SEMA3A: variants seen among roughly 807,000 people sequenced by gnomAD.
SEMA3A encodes the protein semaphorin-3A.
A neutral mutation model predicts 97.9 loss-of-function variants in SEMA3A; 29 were observed. The observed-to-expected ratio is 0.30, with a 90% CI of 0.22 to 0.40. The LOEUF (loss-of-function observed/expected upper bound fraction) is 0.40. Among genes scored for constraint, SEMA3A ranks in the 10% least tolerant of loss-of-function variants. The pLI is 1.00. For synonymous variants in SEMA3A, 321 were observed against 323.7 expected (o/e 0.99, Z 0.09); for missense variants, 763 against 951.3 (o/e 0.80, Z 2.60).
intron 1 of SEMA3A, among the ~76,000 whole-genome samples, chr7:84,488,323 C>A (rs984996035): frequency 6.6e-6 from 1 of 150,826 alleles, no homozygotes; most frequent in Non-Finnish European, 1.5e-5. Context: ...TATATACACA[C>A]ACACACACAC....
chr7:83,986,343 T>C (rs1281488621), intron 12 of SEMA3A, among the ~76,000 whole-genome samples: 3 of 152,208 alleles, frequency 2.0e-5, no homozygotes, highest in Non-Finnish European at 4.4e-5. Flanking sequence ...CTTTAATGTC[T>C]ATTAACAGGT....
At chr7:84,278,738 A>C (rs933416706) in intron 3 of SEMA3A, among the ~76,000 whole-genome samples, 1 of 152,066 alleles carries the variant, frequency 6.6e-6, no homozygotes, top group African/African-American at 2.4e-5. Flanking sequence ...AGATCTTATG[A>C]AAAACTTGCT....
At chr7:84,211,260 A>G (rs1414165967) in intron 3 of SEMA3A, among the ~76,000 whole-genome samples, 1 of 152,176 alleles carries the variant, frequency 6.6e-6, no homozygotes, top group Non-Finnish European at 1.5e-5. Context: ...AAAGGAGGCA[A>G]ATATGCTAGC....
intron 1 of SEMA3A, among the ~76,000 whole-genome samples, chr7:84,477,273 C>T (rs1806314868): frequency 6.7e-6 from 1 of 149,862 alleles, no homozygotes; most frequent in Non-Finnish European, 1.5e-5. Flanking sequence ...TCCGTCTCTA[C>T]TAAAAATACA....
intron 1 of SEMA3A, among the ~76,000 whole-genome samples, chr7:84,189,135 G>A (rs1480246077): frequency 1.3e-5 from 2 of 151,828 alleles, no homozygotes; most frequent in African/African-American, 2.4e-5. Flanking sequence ...TTGTTCTAAT[G>A]TATGTTTACA....
chr7:84,056,683 T>C (rs1792995594), intron 5 of SEMA3A, among the ~76,000 whole-genome samples: 1 of 152,082 alleles, frequency 6.6e-6, no homozygotes, highest in Non-Finnish European at 1.5e-5. Context: ...AAGAAAAATT[T>C]TACACTATTA....
At chr7:84,442,954 G>T (rs1765168250) in intron 1 of SEMA3A, among the ~76,000 whole-genome samples, 2 of 151,978 alleles carry the variant, frequency 1.3e-5, no homozygotes, top group African/African-American at 2.4e-5. Flanking sequence ...CCAATAGGAG[G>T]CCATCAAAAT....
chr7:83,985,616 A>T (rs1789598190), intron 12 of SEMA3A, 139 bp from the exon 13 acceptor site: 1 of 696,576 alleles, frequency 1.4e-6, no homozygotes, highest in South Asian at 1.7e-5. Flanking sequence ...GGGAAATAAG[A>T]CACATAAAGA....
At chr7:84,177,687 T>G (rs2116225845) in intron 1 of SEMA3A, among the ~76,000 whole-genome samples, 1 of 152,258 alleles carries the variant, frequency 6.6e-6, no homozygotes, top group East Asian at 1.9e-4. Flanking sequence ...GTTTCCTCTC[T>G]AAAATGAATG....
rs76812645 is a variant in SEMA3A, at chr7:83,958,099, C to G, written c.*3272G>C. 1 of 151,978 alleles carries G rather than the reference C, an allele frequency of 6.6e-6. No homozygotes were observed. The highest frequency in any genetic ancestry group is 2.4e-5 in the African/African-American group (1 of 41,420). 9.4% of individuals were successfully genotyped at this position (151,978 alleles called of 1,614,324 possible). On this transcript the variant is annotated 3_prime_UTR_variant, in exon 17 of 17. Transcript: ENST00000265362. ...AACCAAACTGATTATGAAAATGACA[C>G]ATTATAAAAATTTATCCCTACATTT...
chr7:84,379,144 G>A (rs1436441216), intron 1 of SEMA3A, among the ~76,000 whole-genome samples: 1 of 152,070 alleles, frequency 6.6e-6, no homozygotes, highest in Non-Finnish European at 1.5e-5. Flanking sequence ...AGCCAGGATA[G>A]TCTCGATCTC....
intron 2 of SEMA3A, among the ~76,000 whole-genome samples, chr7:84,359,957 TTGTA>T (rs1802670539): frequency 6.6e-6 from 1 of 150,576 alleles, no homozygotes; most frequent in Non-Finnish European, 1.5e-5. Context: ...TGATGGTAGT[TTGTA>T]TTTCTGTGGG....
chr7:84,291,205 TA>T (rs1300426549), intron 3 of SEMA3A, among the ~76,000 whole-genome samples: 2 of 152,086 alleles, frequency 1.3e-5, no homozygotes, highest in Non-Finnish European at 2.9e-5. Flanking sequence ...TTTTAGATAA[TA>T]AATTTTTAGA....
chr7:84,294,407 G>T (rs1800822203), intron 3 of SEMA3A, among the ~76,000 whole-genome samples: 1 of 151,842 alleles, frequency 6.6e-6, no homozygotes, highest in South Asian at 2.1e-4. Flanking sequence ...GCATATTTTA[G>T]CCTGGTTTGC....
At chr7:84,152,837 A>T (rs1400930753) in intron 1 of SEMA3A, among the ~76,000 whole-genome samples, 1 of 152,082 alleles carries the variant, frequency 6.6e-6, no homozygotes, top group Admixed American at 6.5e-5. Context: ...TATGTAAAGC[A>T]GGCATTTGTT....
At chr7:84,251,498 G>T (rs1267547351) in intron 3 of SEMA3A, among the ~76,000 whole-genome samples, 1 of 152,190 alleles carries the variant, frequency 6.6e-6, no homozygotes, top group Non-Finnish European at 1.5e-5. Flanking sequence ...GGACATCCAT[G>T]CTAAAGTGAA....
intron 3 of SEMA3A, among the ~76,000 whole-genome samples, chr7:84,123,221 T>C (rs1379260429): frequency 6.6e-6 from 1 of 152,134 alleles, no homozygotes; most frequent in Non-Finnish European, 1.5e-5. Flanking sequence ...TCAATAGAAA[T>C]GTTACTGTGT....
intron 2 of SEMA3A, among the ~76,000 whole-genome samples, chr7:84,343,071 C>G (rs906763311): frequency 6.6e-6 from 1 of 152,140 alleles, no homozygotes; most frequent in South Asian, 2.1e-4. Flanking sequence ...ACTACTGTTA[C>G]CACTAACATT....
intron 6 of SEMA3A, among the ~76,000 whole-genome samples, chr7:84,043,017 T>C (rs1026264851): frequency 6.6e-6 from 1 of 152,014 alleles, no homozygotes; most frequent in African/African-American, 2.4e-5. Context: ...TTTGAAATCA[T>C]ATAATACTGA....
Sources: gnomAD v4.1 joint callset for allele counts (sites outside exome capture counted in the v4.1 genomes callset) on GRCh38, gnomAD v4.1.1 for gene constraint, MANE v1.5 for transcripts, NCBI Gene and HGNC (gene_info 2026-07-23, HGNC 2026-07-21) for gene names.